PREX1: variants seen among roughly 807,000 people sequenced by gnomAD.
PREX1 encodes the protein phosphatidylinositol 3,4,5-trisphosphate-dependent Rac exchanger 1 protein.
PREX1 carries 41 observed loss-of-function variants against 198.3 expected under a neutral mutation model. The observed-to-expected ratio is 0.21, with a 90% CI of 0.16 to 0.27. The LOEUF is 0.27. Among genes scored for constraint, PREX1 ranks in the 10% least tolerant of loss-of-function variants. The probability of loss-of-function intolerance (pLI) is 1.00; values close to 1 mark genes in which losing one functional copy is unlikely to be tolerated. For missense variants in PREX1, 1,620 were observed against 2,200.7 expected (o/e 0.74, Z 5.28); for synonymous variants, 843 against 887.2 (o/e 0.95, Z 0.89).
At position 48,635,470 on chromosome 20, in the gene PREX1, G is replaced by T. The variant is rs1045017511; in HGVS notation, c.4168-695C>A. ...CACTGCTTCCAGATTAAAGTCTCAG[G>T]CCCTACAGAACTGGTCCCCACATCT... On this transcript the variant is annotated intron_variant, in intron 32 of 39. Transcript: ENST00000371941. Among the ~76,000 whole-genome samples, 5 of 152,122 alleles carry T rather than the reference G, an allele frequency of 3.3e-5. No individual in the cohort carries two copies. The South Asian group carries it at 8.3e-4, about 25-fold the overall frequency.
At chr20:48,843,528 G>A in the PREX1 span, among the ~76,000 whole-genome samples, 1 of 152,192 alleles carries the variant, frequency 6.6e-6, no homozygotes, top group South Asian at 2.1e-4. Context: ...ATTCCCTCCT[G>A]AACACTCTGC....
intron 6 of PREX1, among the ~76,000 whole-genome samples, chr20:48,707,803 C>G (rs1568833599): frequency 6.6e-6 from 1 of 152,146 alleles, no homozygotes; most frequent in Non-Finnish European, 1.5e-5. Flanking sequence ...GTACCAGGTA[C>G]AGATGAGGAT....
At chr20:48,735,395 C>T (rs1292275470) in intron 3 of PREX1, among the ~76,000 whole-genome samples, 1 of 152,146 alleles carries the variant, frequency 6.6e-6, no homozygotes, top group Non-Finnish European at 1.5e-5. Context: ...TGTTTCTAAA[C>T]AAGCCCCCAG....
chr20:48,695,917 T>C (rs1336427362), intron 7 of PREX1, among the ~76,000 whole-genome samples: 1 of 152,244 alleles, frequency 6.6e-6, no homozygotes, highest in African/African-American at 2.4e-5. Flanking sequence ...CAAATGGGCA[T>C]AGCAGTGTTC....
chr20:48,816,617 G>A (rs1406978477), intron 1 of PREX1, among the ~76,000 whole-genome samples: 1 of 152,128 alleles, frequency 6.6e-6, no homozygotes, highest in Non-Finnish European at 1.5e-5. Context: ...TGGCTATGTT[G>A]TGGCAGGACC....
chr20:48,721,036 C>A (rs548465575), intron 5 of PREX1, among the ~76,000 whole-genome samples: 2 of 152,328 alleles, frequency 1.3e-5, no homozygotes, highest in East Asian at 3.9e-4. Context: ...TGTTGGGGCC[C>A]ACAGTGTTTA....
the PREX1 span, among the ~76,000 whole-genome samples, chr20:48,886,122 T>C: frequency 2.4e-4 from 36 of 152,174 alleles, no homozygotes; most frequent in South Asian, 4.1e-4. Context: ...AATATATTAT[T>C]GTGGTGCAGG....
the PREX1 span, among the ~76,000 whole-genome samples, chr20:48,837,074 A>G: frequency 6.6e-6 from 1 of 152,184 alleles, no homozygotes; most frequent in Admixed American, 6.5e-5. Context: ...ATAGGAAAAT[A>G]CTTACATAGA....
chr20:48,796,054 C>T (rs2122990375), intron 1 of PREX1, among the ~76,000 whole-genome samples: 1 of 152,304 alleles, frequency 6.6e-6, no homozygotes, highest in East Asian at 1.9e-4. Context: ...CAACCAGGAA[C>T]ACGAAGGGGT....
chr20:48,874,918 G>A, the PREX1 span, among the ~76,000 whole-genome samples: 1 of 151,888 alleles, frequency 6.6e-6, no homozygotes, highest in Non-Finnish European at 1.5e-5. Flanking sequence ...GGTGGGATGT[G>A]CTAGTGTAAG....
At chr20:48,862,791 AT>A in the PREX1 span, among the ~76,000 whole-genome samples, 6,194 of 33,804 alleles carry the variant, frequency 0.18, 212 homozygotes, top group Middle Eastern at 0.26. Context: ...AAAAAAAAAA[AT>A]ATATATATAT....
intron 15 of PREX1, among the ~76,000 whole-genome samples, chr20:48,663,136 A>G (rs2089609370): frequency 6.6e-6 from 1 of 152,176 alleles, no homozygotes; most frequent in Non-Finnish European, 1.5e-5. Flanking sequence ...AGTGAGTCCT[A>G]TTCCCACAGA....
intron 1 of PREX1, among the ~76,000 whole-genome samples, chr20:48,772,789 T>C (rs1200177709): frequency 6.6e-6 from 1 of 152,182 alleles, no homozygotes. Flanking sequence ...CGAAGTTGTC[T>C]GGAGAAATCA....
At chr20:48,806,877 T>G (rs2090414138) in intron 1 of PREX1, among the ~76,000 whole-genome samples, 1 of 152,096 alleles carries the variant, frequency 6.6e-6, no homozygotes, top group African/African-American at 2.4e-5. Flanking sequence ...TATGGAGGGC[T>G]GGGGCTGGGG....
intron 9 of PREX1, among the ~76,000 whole-genome samples, chr20:48,690,220 A>G (rs2089810893): frequency 6.6e-6 from 1 of 152,300 alleles, no homozygotes; most frequent in South Asian, 2.1e-4. Context: ...ACTGAGGCCC[A>G]GTTTCCTCCT....
intron 15 of PREX1, among the ~76,000 whole-genome samples, chr20:48,664,178 T>C (rs1033646786): frequency 1.3e-5 from 2 of 152,094 alleles, no homozygotes; most frequent in Non-Finnish European, 2.9e-5. Flanking sequence ...ATCAAGACCA[T>C]CCTGGCTAAC....
At chr20:48,668,160 T>TGC (rs1236830869) in intron 14 of PREX1, among the ~76,000 whole-genome samples, 1 of 152,094 alleles carries the variant, frequency 6.6e-6, no homozygotes, top group Non-Finnish European at 1.5e-5. Context: ...TGTGTGTGTG[T>TGC]GCGTGCATGC....
At chr20:48,638,225 C>T (rs1387938985) in intron 30 of PREX1, among the ~76,000 whole-genome samples, 5 of 152,174 alleles carry the variant, frequency 3.3e-5, no homozygotes, top group Admixed American at 3.3e-4. Context: ...CACAAGCACA[C>T]AGCAGACACA....
intron 1 of PREX1, among the ~76,000 whole-genome samples, chr20:48,803,561 C>T (rs1230910134): frequency 6.6e-6 from 1 of 152,146 alleles, no homozygotes; most frequent in African/African-American, 2.4e-5. Context: ...ACCCCAATTC[C>T]ACTTCCCAAC....
Sources: gnomAD v4.1 joint callset for allele counts (sites outside exome capture counted in the v4.1 genomes callset) on GRCh38, gnomAD v4.1.1 for gene constraint, MANE v1.5 for transcripts, NCBI Gene and HGNC (gene_info 2026-07-23, HGNC 2026-07-21) for gene names.